Variants in MYH4 observed in about 807,000 individuals in gnomAD.
The protein encoded by MYH4 is myosin-4.
A neutral mutation model predicts 229.9 loss-of-function variants in MYH4; 200 were observed. That is an observed-to-expected ratio of 0.87 (90% confidence interval 0.78 to 0.98). The LOEUF (loss-of-function observed/expected upper bound fraction) is 0.98, where lower values mean the gene tolerates loss of function less well. Ranked by LOEUF, MYH4 falls within the 50% of genes least tolerant of loss-of-function variation. The pLI is 0.00. For missense variants in MYH4, 2,148 were observed against 2,332.6 expected, an observed-to-expected ratio of 0.92 and a Z score of 1.63; for synonymous variants, 761 against 834.6, an observed-to-expected ratio of 0.91 and a Z score of 1.52.
In MYH4 at chr17:10,464,603, G is replaced by C; in HGVS notation, c.534-17C>G. On this transcript the variant is annotated splice_polypyrimidine_tract_variant and intron_variant, in intron 6 of 39. Coordinates refer to ENST00000255381, the MANE Select transcript of MYH4 (RefSeq NM_017533.2). Reference sequence around the variant, plus strand: ...GATTCTCCACTATCAAGTTCAAACAGAAGAAAAGGTCAGAATCTAAGGTAG... The same window carrying C: ...GATTCTCCACTATCAAGTTCAAACACAAGAAAAGGTCAGAATCTAAGGTAG... 1 of 1,613,884 alleles carries C rather than the reference G, an allele frequency of 6.2e-7. No homozygotes were observed. Among genetic ancestry groups the C allele is most frequent in the Non-Finnish European group, 8.5e-7 (1 of 1,179,876 alleles).
At position 10,447,183 on chromosome 17, in the gene MYH4, C is replaced by G; in HGVS notation, c.4999G>C (p.Gly1667Arg). ...AGTTGTTCCTTAAGGTCATCTTGGC[C>G]TCTGATGGCATCATCCAAATGTAGC... ...TQLHLDDAIRGQDDLKEQLAM... is the reference protein window; with the variant it reads ...TQLHLDDAIRRQDDLKEQLAM... The change falls in exon 35 of 40, where the codon GGC (glycine) becomes CGC (arginine). Residue 1667 changes from glycine (G) to arginine (R), a missense_variant. By Grantham distance (125) the Gly-to-Arg change is moderately radical. Coordinates refer to ENST00000255381, the MANE Select transcript of MYH4 (RefSeq NM_017533.2). 6.2e-7 allele frequency: 1 copy of G among 1,614,108 alleles called. No individual in the cohort carries two copies. Among genetic ancestry groups the G allele is most frequent in the Non-Finnish European group, 8.5e-7 (1 of 1,180,014 alleles).
At chr17:10,446,027 CA>C (rs35896304) in intron 35 of MYH4, among the ~76,000 whole-genome samples, 28,476 of 67,192 alleles carry the variant, frequency 0.42, 2,042 homozygotes, top group Middle Eastern at 0.49. Context: ...GACCCCTTCT[CA>C]AAAAAAAAAA....
chr17:10,461,712 T>C (rs1292317079), intron 11 of MYH4, among the ~76,000 whole-genome samples: 1 of 152,208 alleles, frequency 6.6e-6, no homozygotes, highest in Non-Finnish European at 1.5e-5. Context: ...AATTTTGCCA[T>C]TTAGTATAAT....
chr17:10,465,642 T>C, intron 4 of MYH4, 44 bp from the exon 5 acceptor site: 1 of 1,612,358 alleles, frequency 6.2e-7, no homozygotes. Flanking sequence ...TCACCTTGTT[T>C]ATCTATCTTG....
chr17:10,453,539 C>A lies in MYH4; in HGVS notation c.2934+104G>T, dbSNP rs1470084295. The A allele has an allele frequency of 1.9e-6, 3 of 1,581,558 alleles. No individual in the cohort carries two copies. In the Admixed American group the frequency reaches 5.1e-5, roughly 27 times the overall value. ...GACTAAAGAGATGAAATAGTTATGA[C>A]AGTGGTATTTTTTATATTCAATCAT... On this transcript the variant is annotated intron_variant, in intron 23 of 39. Coordinates refer to ENST00000255381, the MANE Select transcript of MYH4 (RefSeq NM_017533.2).
In MYH4 at chr17:10,451,448, T is replaced by G. The variant is rs1228470987; in HGVS notation, c.3743A>C (p.Asn1248Thr). The G allele has an allele frequency of 6.2e-7, 1 of 1,613,128 alleles. No individual in the cohort carries two copies. Among genetic ancestry groups the G allele is most frequent in the African/African-American group, 1.3e-5 (1 of 74,882 alleles). The change falls in exon 28 of 40, where the codon AAC becomes ACC. Residue 1248 changes from asparagine to threonine, a missense_variant. Coordinates refer to ENST00000255381, the MANE Select transcript of MYH4 (RefSeq NM_017533.2). ...NMETVSKAKA[N>T]FEKMCRTLED... The stretch of plus-strand genomic sequence containing the variant: ...TAGGGTGCGGCACATTTTCTCAAAG[T>G]TTGCCTGGGGTGAGAGGTAGAAAAC...
chr17:10,459,947 C>T lies in MYH4; in HGVS notation c.1416+5G>A. 1 of 1,613,936 alleles carries T rather than the reference C, an allele frequency of 6.2e-7. No homozygotes were observed. Among genetic ancestry groups the T allele is most frequent in the Non-Finnish European group, 8.5e-7 (1 of 1,179,924 alleles). ...TGGCTAATTTTCTGTCAGTTCACTA[C>T]TCACATCAAAGATCTCAAAGCCAGC... On this transcript the variant is annotated splice_donor_5th_base_variant and intron_variant, in intron 14 of 39. Coordinates refer to ENST00000255381, the MANE Select transcript of MYH4 (RefSeq NM_017533.2).
In MYH4 at chr17:10,448,672, C is replaced by T. The variant is rs1451700052; in HGVS notation, c.4477G>A (p.Glu1493Lys). The T allele has an allele frequency of 4.3e-6, 7 of 1,613,796 alleles. No individual in the cohort carries two copies. Among genetic ancestry groups the T allele is most frequent in the East Asian group, 2.2e-5 (1 of 44,860 alleles). ...TELFKVKNAY[E>K]ESLDHLETLK... ...GTTTCAAGATGATCCAGGGATTCCT[C>T]GTAGGCATTCTTCACCTTGAACAGC... The change falls in exon 32 of 40, where the codon GAG becomes AAG. Residue 1493 changes from glutamate (E) to lysine (K), a missense_variant. Coordinates refer to ENST00000255381, the MANE Select transcript of MYH4 (RefSeq NM_017533.2).
At position 10,444,683 on chromosome 17, in the gene MYH4, T is replaced by C; in HGVS notation, c.5588A>G (p.Lys1863Arg). Residue 1863 changes from lysine (K) to arginine (R), a missense_variant, in exon 39 of 40, where the codon AAG becomes AGG. By Grantham distance (26) the Lys-to-Arg change is conservative. Transcript: ENST00000255381. ...CAAGTCCTGCAGCCTGAGAATATTC[T>C]TGCGGTCCTCCTCAGTCTGAAAGAG... is the stretch of plus-strand genomic sequence containing the variant. ...ELTYQTEEDR[K>R]NILRLQDLVD... 1 of 1,613,988 alleles carries C rather than the reference T, an allele frequency of 6.2e-7. No homozygotes were observed.
chr17:10,444,597 T>C lies in MYH4; in HGVS notation c.5667+7A>G, dbSNP rs548550702. On this transcript the variant is annotated splice_region_variant and intron_variant, in intron 39 of 39. Transcript: ENST00000255381. The stretch of plus-strand genomic sequence containing the variant: ...GAACCTTTCATTTCCACTGTGGAGA[T>C]ACTCACAGCCTCTTCAGCTTGTCTC... 2.5e-6 allele frequency: 4 copies of C among 1,611,516 alleles called. No homozygotes were observed. In the African/African-American group the frequency reaches 5.3e-5, roughly 21 times the overall value.
Position 10,460,958 on chromosome 17 carries a change from G to T in MYH4, c.1105C>A (p.Gln369Lys). 1 of 1,614,006 alleles carries T rather than the reference G, an allele frequency of 6.2e-7. No homozygotes were observed. Among genetic ancestry groups the T allele is most frequent in the Non-Finnish European group, 8.5e-7 (1 of 1,179,994 alleles). ...TCTGCCTGCTCTTCCCTTTGCTTTT[G>T]CTTGAATTTCATGTTCCCATAATGC... is the stretch of plus-strand genomic sequence containing the variant. ...VMHYGNMKFK[Q>K]KQREEQAEPD... The change falls in exon 12 of 40, where the codon CAA becomes AAA. Residue 369 changes from glutamine to lysine, a missense_variant. By Grantham distance (53) the Gln-to-Lys change is moderately conservative. Coordinates refer to ENST00000255381, the MANE Select transcript of MYH4 (RefSeq NM_017533.2).
Position 10,450,913 on chromosome 17 carries a change from T to G in MYH4, c.3866-18A>C. 1 of 1,563,050 alleles carries G rather than the reference T, an allele frequency of 6.4e-7. No homozygotes were observed. Among genetic ancestry groups the G allele is most frequent in the South Asian group, 1.1e-5 (1 of 89,948 alleles). On this transcript the variant is annotated intron_variant, in intron 28 of 39. Transcript: ENST00000255381. ...AAACTCACCTGTGGAAGACAAAACA[T>G]CAATGATTTAGTTCTGTTGTCTAGG...
chr17:10,464,121 G>A lies in MYH4; in HGVS notation c.648+351C>T, dbSNP rs116769510. Among the ~76,000 whole-genome samples the A allele has an allele frequency of 3.1e-3, 468 of 152,190 alleles. 4 individuals carry two copies. Among genetic ancestry groups the A allele is most frequent in the African/African-American group, 0.011 (445 of 41,512 alleles). On this transcript the variant is annotated intron_variant, in intron 7 of 39. Coordinates refer to ENST00000255381, the MANE Select transcript of MYH4 (RefSeq NM_017533.2). ...GATGATCCTGTCATCCAGGTAATGA[G>A]CATAGATAGTACCCAATAGGTAGTT...
chr17:10,446,998 A>T lies in MYH4; in HGVS notation c.5169+15T>A, dbSNP rs1377981034. 6.2e-7 allele frequency: 1 copy of T among 1,609,894 alleles called. No homozygotes were observed. On this transcript the variant is annotated intron_variant, in intron 35 of 39. Transcript: ENST00000255381. The stretch of plus-strand genomic sequence containing the variant: ...TCAGGGAGTACATTTTCTAAACCAT[A>T]GTCTTGAACCTCACCTGAGTGTGCA...
chr17:10,447,344 TTAA>T lies in MYH4; in HGVS notation c.4966-131_4966-129del, dbSNP rs1432034524. 5 of 720,246 alleles carry T rather than the reference TTAA, an allele frequency of 6.9e-6. No homozygotes were observed. The African/African-American group carries it at 8.9e-5, about 13-fold the overall frequency. The allele number at this position is 720,246 out of a possible 1,614,324, so 44.6% of individuals were successfully genotyped here. On this transcript the variant is annotated intron_variant, in intron 34 of 39. Coordinates refer to ENST00000255381, the MANE Select transcript of MYH4 (RefSeq NM_017533.2). ...AGATAGGAGCAATCGGCAAGTACCT[TTAA>T]TAATAAATTCTTTGTAGCTGAGGGT...
At chr17:10,468,033 C>T (rs1325718252) in intron 2 of MYH4, among the ~76,000 whole-genome samples, 1 of 152,192 alleles carries the variant, frequency 6.6e-6, no homozygotes, top group African/African-American at 2.4e-5. Context: ...GGAATTTCCA[C>T]ATACTCTATT....
At chr17:10,462,577 GA>G (rs2072714309) in intron 11 of MYH4, among the ~76,000 whole-genome samples, 1 of 152,128 alleles carries the variant, frequency 6.6e-6, no homozygotes, top group Non-Finnish European at 1.5e-5. Context: ...ATTAATATTG[GA>G]GCATAAATAT....
At chr17:10,455,331 T>A (rs762187738) in intron 19 of MYH4, 36 bp from the exon 20 acceptor site, 1 of 1,585,706 alleles carries the variant, frequency 6.3e-7, no homozygotes, top group East Asian at 2.2e-5. Flanking sequence ...ATGTGGTTTT[T>A]CTTCACTGAA....
At chr17:10,467,547 G>T (rs990279735) in intron 2 of MYH4, among the ~76,000 whole-genome samples, 2 of 152,212 alleles carry the variant, frequency 1.3e-5, no homozygotes, top group African/African-American at 4.8e-5. Flanking sequence ...TGGAGAAAAG[G>T]AACTTCTTAA....
Sources: allele counts gnomAD v4.1 joint callset (sites outside exome capture counted in the v4.1 genomes callset), GRCh38; gene constraint gnomAD v4.1.1; transcripts MANE v1.5; gene names NCBI Gene and HGNC (gene_info 2026-07-23, HGNC 2026-07-21).